Variants in ROBO2 observed in about 807,000 individuals in gnomAD.
ROBO2 encodes roundabout homolog 2.
Under a neutral mutation model 160.8 loss-of-function variants are expected in ROBO2, and 53 were observed. The observed-to-expected ratio is 0.33, with a 90% CI of 0.26 to 0.41. The LOEUF is 0.41. Ranked by LOEUF, ROBO2 falls within the 10% of genes least tolerant of loss-of-function variation. ROBO2 has a pLI of 1.00. For missense variants in ROBO2, 1,577 were observed against 1,722.4 expected (o/e 0.92, Z 1.49); for synonymous variants, 664 against 611.7 (o/e 1.09, Z -1.26).
chr3:76,119,947 TTCCTTCCTTC>T (rs2070671902), intron 2 of ROBO2, among the ~76,000 whole-genome samples: 1 of 137,110 alleles, frequency 7.3e-6, no homozygotes, highest in Admixed American at 7.5e-5. Context: ...CCTTCCTTCC[TTCCTTCCTTC>T]CTTCCTTCCT....
chr3:77,259,957 C>T (rs1162747059), intron 2 of ROBO2, among the ~76,000 whole-genome samples: 1 of 152,194 alleles, frequency 6.6e-6, no homozygotes, highest in African/African-American at 2.4e-5. Flanking sequence ...TGAATGTTTA[C>T]ACTAATAGCT....
chr3:76,925,730 A>G (rs1170013779), intron 2 of ROBO2, among the ~76,000 whole-genome samples: 1 of 152,170 alleles, frequency 6.6e-6, no homozygotes, highest in Non-Finnish European at 1.5e-5. Flanking sequence ...GCCCCAGAAA[A>G]CCAAGCCACC....
chr3:76,460,413 C>T (rs1487742397), intron 2 of ROBO2, among the ~76,000 whole-genome samples: 1 of 152,148 alleles, frequency 6.6e-6, no homozygotes, highest in Non-Finnish European at 1.5e-5. Flanking sequence ...TGGTGACTCA[C>T]TTTGAATGGA....
intron 6 of ROBO2, among the ~76,000 whole-genome samples, chr3:77,544,113 T>G (rs1465991849): frequency 3.1e-5 from 1 of 32,274 alleles, no homozygotes; most frequent in Non-Finnish European, 7.1e-5. Context: ...CTTAAGTGTT[T>G]TTTTTTTTTT....
intron 2 of ROBO2, among the ~76,000 whole-genome samples, chr3:76,106,098 T>C (rs190274997): frequency 2.0e-5 from 3 of 152,266 alleles, no homozygotes; most frequent in East Asian, 3.9e-4. Flanking sequence ...ATGTTATGGA[T>C]TAGTGAACTA....
chr3:76,407,705 A>T (rs7630297), intron 2 of ROBO2, among the ~76,000 whole-genome samples: 27,987 of 151,772 alleles, frequency 0.18, 3,040 homozygotes, highest in African/African-American at 0.3. Context: ...ATGTTTAATT[A>T]TTTTTTTCTT....
At chr3:77,555,918 A>G (rs1208151278) in intron 8 of ROBO2, among the ~76,000 whole-genome samples, 1 of 151,850 alleles carries the variant, frequency 6.6e-6, no homozygotes, top group Non-Finnish European at 1.5e-5. Context: ...TTATTGATCA[A>G]TTCATTCAAA....
At chr3:77,263,916 T>G (rs909331780) in intron 2 of ROBO2, among the ~76,000 whole-genome samples, 2 of 152,168 alleles carry the variant, frequency 1.3e-5, no homozygotes, top group Admixed American at 6.5e-5. Context: ...CATTGTGTCT[T>G]GGTGTTCTCA....
At chr3:76,555,097 A>G (rs2083627164) in intron 2 of ROBO2, among the ~76,000 whole-genome samples, 1 of 152,134 alleles carries the variant, frequency 6.6e-6, no homozygotes, top group Non-Finnish European at 1.5e-5. Flanking sequence ...AATCAAGGTC[A>G]GTACTATTAA....
chr3:77,636,946 A>T (rs1203154165), intron 24 of ROBO2, among the ~76,000 whole-genome samples: 1 of 152,230 alleles, frequency 6.6e-6, no homozygotes, highest in African/African-American at 2.4e-5. Flanking sequence ...GATATGTAAC[A>T]CATATTTAAA....
At chr3:76,930,210 A>C (rs1023116411) in intron 2 of ROBO2, among the ~76,000 whole-genome samples, 1 of 151,534 alleles carries the variant, frequency 6.6e-6, no homozygotes, top group Non-Finnish European at 1.5e-5. Context: ...TTTTAGTATA[A>C]ATGCCAGGCT....
intron 2 of ROBO2, among the ~76,000 whole-genome samples, chr3:76,654,177 T>A (rs1478258602): frequency 1.3e-5 from 2 of 152,148 alleles, no homozygotes; most frequent in African/African-American, 4.8e-5. Flanking sequence ...GTGTCAGCAA[T>A]TACCTCTCAC....
chr3:76,941,520 T>G (rs1361774037), intron 2 of ROBO2, among the ~76,000 whole-genome samples: 1 of 152,204 alleles, frequency 6.6e-6, no homozygotes, highest in African/African-American at 2.4e-5. Context: ...GCTACACTAG[T>G]CTTCATTCTG....
intron 2 of ROBO2, among the ~76,000 whole-genome samples, chr3:77,237,675 C>T (rs1051902549): frequency 1.3e-5 from 2 of 152,176 alleles, no homozygotes; most frequent in African/African-American, 4.8e-5. Flanking sequence ...GTTTTGGCAA[C>T]ATTATGAATA....
intron 2 of ROBO2, among the ~76,000 whole-genome samples, chr3:77,129,317 T>A (rs924892395): frequency 2.0e-4 from 30 of 152,162 alleles, no homozygotes; most frequent in African/African-American, 7.0e-4. Context: ...GTAATTGTGG[T>A]TTTGGACCAT....
In ROBO2 at chr3:77,516,795, G is replaced by A. The variant is rs574903839; in HGVS notation, c.807-5980G>A. ...TGGTATATAAACACAACATTACTAT[G>A]CTTCTTGATACAATATCTTGTTATA... is the stretch of plus-strand genomic sequence containing the variant. On this transcript the variant is annotated intron_variant, in intron 5 of 25. Transcript: ENST00000461745. 1.1e-4 allele frequency among the ~76,000 whole-genome samples: 17 copies of A among 151,672 alleles called. No homozygotes were observed. The East Asian group carries it at 2.7e-3, about 24-fold the overall frequency.
At chr3:77,289,464 G>A (rs1475597252) in intron 2 of ROBO2, among the ~76,000 whole-genome samples, 3 of 151,480 alleles carry the variant, frequency 2.0e-5, no homozygotes, top group Non-Finnish European at 2.9e-5. Flanking sequence ...GGTTAAATGG[G>A]AAGTTGAGGC....
chr3:76,854,596 C>G (rs988102513), intron 2 of ROBO2, among the ~76,000 whole-genome samples: 6 of 152,076 alleles, frequency 3.9e-5, no homozygotes, highest in Non-Finnish European at 7.4e-5. Flanking sequence ...ATTTGAGAAA[C>G]AGTAACTTAT....
intron 2 of ROBO2, among the ~76,000 whole-genome samples, chr3:76,503,970 A>G (rs1281934830): frequency 6.6e-6 from 1 of 152,238 alleles, no homozygotes. Context: ...ATCATTATGT[A>G]GATAACTAGA....
Sources: gnomAD v4.1 joint callset for allele counts (sites outside exome capture counted in the v4.1 genomes callset) on GRCh38, gnomAD v4.1.1 for gene constraint, MANE v1.5 for transcripts, NCBI Gene and HGNC (gene_info 2026-07-23, HGNC 2026-07-21) for gene names.